Variants in TBC1D5 observed in about 807,000 individuals in gnomAD.
TBC1D5 encodes TBC1 domain family member 5.
TBC1D5 carries 75 observed loss-of-function variants against 100.3 expected under a neutral mutation model. That is an observed-to-expected ratio of 0.75 (90% confidence interval 0.62 to 0.91). The LOEUF is 0.91. Among genes scored for constraint, TBC1D5 ranks in the 40% least tolerant of loss-of-function variants. The probability of loss-of-function intolerance (pLI) is 0.00; values close to 1 mark genes in which losing one functional copy is unlikely to be tolerated. For synonymous variants in TBC1D5, 323 were observed against 325.6 expected (o/e 0.99, Z 0.09); for missense variants, 910 against 942.4 (o/e 0.97, Z 0.45).
chr3:17,686,041 AC>A (rs1163263392), intron 1 of TBC1D5, among the ~76,000 whole-genome samples: 1 of 152,126 alleles, frequency 6.6e-6, no homozygotes, highest in Non-Finnish European at 1.5e-5. Flanking sequence ...ACAGTATCCA[AC>A]TTTCTCTATT....
chr3:17,654,282 T>C (rs551767472), intron 1 of TBC1D5, among the ~76,000 whole-genome samples: 1 of 152,288 alleles, frequency 6.6e-6, no homozygotes, highest in East Asian at 1.9e-4. Flanking sequence ...TCAGATTTAG[T>C]TTTACTTTAA....
intron 13 of TBC1D5, among the ~76,000 whole-genome samples, chr3:17,317,881 A>G (rs2084892616): frequency 6.6e-6 from 1 of 152,160 alleles, no homozygotes. Context: ...TACTGGGTAT[A>G]TACCCAAAGG....
chr3:17,218,421 G>T (rs2073903214), intron 17 of TBC1D5, among the ~76,000 whole-genome samples: 1 of 151,900 alleles, frequency 6.6e-6, no homozygotes, highest in African/African-American at 2.4e-5. Flanking sequence ...TGGTAGTACT[G>T]CCATATTAAC....
chr3:17,398,982 T>C (rs1223693173), intron 8 of TBC1D5, among the ~76,000 whole-genome samples: 5 of 152,058 alleles, frequency 3.3e-5, no homozygotes, highest in Non-Finnish European at 7.4e-5. Flanking sequence ...GGAAAATGTT[T>C]CATAAACTTG....
chr3:17,223,904 AC>A (rs1338530038), intron 17 of TBC1D5, among the ~76,000 whole-genome samples: 3 of 54,368 alleles, frequency 5.5e-5, no homozygotes, highest in Admixed American at 1.6e-4. Context: ...TCTCAAAAAA[AC>A]AAAACAAAAC....
At chr3:17,217,006 C>T (rs1310827866) in intron 17 of TBC1D5, among the ~76,000 whole-genome samples, 1 of 152,054 alleles carries the variant, frequency 6.6e-6, no homozygotes, top group Non-Finnish European at 1.5e-5. Context: ...GAAAAGAAAA[C>T]TCATGGCCAT....
intron 16 of TBC1D5, among the ~76,000 whole-genome samples, chr3:17,249,514 C>T (rs576687501): frequency 6.6e-6 from 1 of 152,118 alleles, no homozygotes; most frequent in African/African-American, 2.4e-5. Context: ...TGGGGGTGTA[C>T]CCCTCATGAA....
intron 1 of TBC1D5, among the ~76,000 whole-genome samples, chr3:17,707,019 G>T (rs2074250076): frequency 6.6e-6 from 1 of 151,696 alleles, no homozygotes; most frequent in Admixed American, 6.6e-5. Flanking sequence ...TAAATTAGTG[G>T]ACTTCCTAAA....
intron 1 of TBC1D5, among the ~76,000 whole-genome samples, chr3:17,665,687 T>C (rs1180147179): frequency 1.1e-4 from 16 of 152,250 alleles, no homozygotes; most frequent in Admixed American, 1.0e-3. Context: ...TGCTGTATGA[T>C]TGGTTCTTTG....
chr3:17,228,216 G>A (rs1243933058), intron 17 of TBC1D5, among the ~76,000 whole-genome samples: 1 of 152,102 alleles, frequency 6.6e-6, no homozygotes, highest in East Asian at 1.9e-4. Context: ...CCACTATCTG[G>A]TGGGTCAGAC....
At chr3:17,604,501 G>C (rs1255754444) in intron 2 of TBC1D5, among the ~76,000 whole-genome samples, 1 of 152,112 alleles carries the variant, frequency 6.6e-6, no homozygotes, top group Non-Finnish European at 1.5e-5. Context: ...TCAAATATGA[G>C]ACCTTTTTGA....
At chr3:17,585,447 G>T (rs1205556067) in intron 2 of TBC1D5, among the ~76,000 whole-genome samples, 1 of 152,138 alleles carries the variant, frequency 6.6e-6, no homozygotes, top group South Asian at 2.1e-4. Context: ...TTAAAATTCT[G>T]AGATCTCAGT....
chr3:17,504,867 G>C (rs2095827844), intron 3 of TBC1D5, among the ~76,000 whole-genome samples: 1 of 152,090 alleles, frequency 6.6e-6, no homozygotes, highest in South Asian at 2.1e-4. Flanking sequence ...ATCATGATAG[G>C]ACAGCATCAT....
At chr3:17,239,914 A>G (rs2076173001) in intron 16 of TBC1D5, among the ~76,000 whole-genome samples, 1 of 152,224 alleles carries the variant, frequency 6.6e-6, no homozygotes, top group Admixed American at 6.5e-5. Context: ...CCAAATCATT[A>G]ATAGAAATGA....
At chr3:17,626,189 C>T (rs1216360143) in intron 1 of TBC1D5, among the ~76,000 whole-genome samples, 1 of 152,014 alleles carries the variant, frequency 6.6e-6, no homozygotes, top group Non-Finnish European at 1.5e-5. Flanking sequence ...AAAAAGAGGT[C>T]AATTTTCTAG....
chr3:17,462,065 AATT>A (rs2095221430), intron 3 of TBC1D5, among the ~76,000 whole-genome samples: 2 of 152,238 alleles, frequency 1.3e-5, no homozygotes, highest in South Asian at 4.1e-4. Context: ...GGAAAATAAA[AATT>A]ATATTTTAAA....
chr3:17,404,729 A>G (rs1286146818), exon 7 of TBC1D5: 1 of 1,608,060 alleles, frequency 6.2e-7, no homozygotes, highest in Non-Finnish European at 8.5e-7. Flanking sequence ...TTGATCATCA[A>G]ATCTTGTTGG....
intron 1 of TBC1D5, among the ~76,000 whole-genome samples, chr3:17,691,299 A>G (rs1447293112): frequency 6.6e-6 from 1 of 152,184 alleles, no homozygotes; most frequent in Non-Finnish European, 1.5e-5. Flanking sequence ...CCTGGCAACC[A>G]TTAATCTGTA....
rs147758440 is a variant in TBC1D5, at chr3:17,684,676, A to G, written c.-101+54667T>C. On this transcript the variant is annotated intron_variant, in intron 1 of 21. Coordinates refer to ENST00000253692, the Ensembl canonical transcript of TBC1D5. ...AGAGAATTATTAACTAAGTCAAAGA[A>G]ACTACAGCTTGCATTTATAAAGCTC... 2.1e-3 allele frequency among the ~76,000 whole-genome samples: 321 copies of G among 152,216 alleles called. 1 individual carries two copies. Among genetic ancestry groups the G allele is most frequent in the Non-Finnish European group, 3.9e-3 (268 of 67,928 alleles).
Sources: gnomAD v4.1 joint callset for allele counts (sites outside exome capture counted in the v4.1 genomes callset) on GRCh38, gnomAD v4.1.1 for gene constraint, MANE v1.5 for transcripts, NCBI Gene and HGNC (gene_info 2026-07-23, HGNC 2026-07-21) for gene names.